The following TRIM10 variants were observed in gnomAD, a reference collection of about 807,000 sequenced individuals.
TRIM10 encodes the protein tripartite motif containing 10.
TRIM10 carries 42 observed loss-of-function variants against 40.0 expected under a neutral mutation model. The ratio of observed to expected loss-of-function variants is 1.05; its 90% confidence interval spans 0.82 to 1.36. The LOEUF (loss-of-function observed/expected upper bound fraction) is 1.36. Ranked by LOEUF, TRIM10 falls within the 40% of genes most tolerant of loss-of-function variation. The pLI is 0.00. For missense variants in TRIM10, 601 were observed against 608.3 expected (o/e 0.99, Z 0.13); for synonymous variants, 260 against 239.5 (o/e 1.09, Z -0.79).
intron 3 of TRIM10, among the ~76,000 whole-genome samples, chr6:30,157,707 C>T (rs1234745524): frequency 7.0e-6 from 1 of 143,322 alleles, no homozygotes; most frequent in African/African-American, 2.6e-5. Context: ...GTTATGTTGC[C>T]CAGGCTCCTC....
rs79088264 is a variant in TRIM10 at position 30,154,154 on chromosome 6, G to A, written c.1261C>T (p.Arg421Trp). The A allele has an allele frequency of 8.8e-5, 142 of 1,612,640 alleles. 1 individual carries two copies. The highest frequency in any genetic ancestry group is 3.3e-4 in the Middle Eastern group (2 of 6,058). The change falls in exon 7 of 7, where the codon CGG (arginine) becomes TGG (tryptophan). Residue 421 changes from arginine to tryptophan, a missense_variant. Physicochemically the swap from Arg to Trp is moderately radical, Grantham distance 101. Transcript: ENST00000449742. ...FVSALGSFPT[R>W]LTLKEQPRQV... The stretch of plus-strand genomic sequence containing the variant: ...CGGGGCTGCTCCTTCAGGGTCAGCC[G>A]TGTGGGGAAGGAGCCCAGAGCCGAG...
chr6:30,154,215 C>T lies in TRIM10; in HGVS notation c.1200G>A (p.Glu400=). The T allele has an allele frequency of 6.2e-7, 1 of 1,612,766 alleles. No homozygotes were observed. The highest frequency in any genetic ancestry group is 1.1e-5 in the South Asian group (1 of 91,044). Reference sequence around the variant, plus strand: ...AAGCCAGCCTCACAGCCCACACCCCCTCCTCTGGCCGCAGCCGAAGCTCCC... The same window carrying T: ...AAGCCAGCCTCACAGCCCACACCCCTTCCTCTGGCCGCAGCCGAAGCTCCC... ...RKGELRLRPE[E]GVWAVRLAWG... Residue 400 remains glutamate (E), a synonymous_variant, in exon 7 of 7, where the codon GAG becomes GAA. Transcript: ENST00000449742.
chr6:30,156,532 A>G (rs1772544263), intron 5 of TRIM10, among the ~76,000 whole-genome samples: 1 of 152,232 alleles, frequency 6.6e-6, no homozygotes, highest in Non-Finnish European at 1.5e-5. Context: ...CGAGCCAGAT[A>G]CCACAGGGTC....
At chr6:30,162,263 G>C (rs1349933255), upstream of TRIM10, among the ~76,000 whole-genome samples, 1 of 137,854 alleles carries the variant, frequency 7.3e-6, no homozygotes, top group South Asian at 2.3e-4. Context: ...GAGACAGAGC[G>C]AGACTCCATT....
chr6:30,160,435 A>T lies in TRIM10; in HGVS notation c.424T>A (p.Tyr142Asn), dbSNP rs775768391. 1.4e-5 allele frequency: 23 copies of T among 1,613,300 alleles called. No individual in the cohort carries two copies. The African/African-American group carries it at 2.9e-4, about 21-fold the overall frequency. Residue 142 changes from tyrosine (Y) to asparagine (N), a missense_variant, in exon 1 of 7, where the codon TAT (tyrosine) becomes AAT (asparagine). By Grantham distance (143) the Tyr-to-Asn change is moderately radical (BLOSUM62 -2). Coordinates refer to ENST00000449742, the MANE Select transcript of TRIM10 (RefSeq NM_006778.4). ...MRFLEDAAAP[Y>N]REQIHKCLKC... ...CCCCAGTTCCCCTTTCCTACCCTAT[A>T]GGGAGCCGCTGCATCCTCCAGGAAG...
chr6:30,160,059 C>A (rs192631351), intron 1 of TRIM10, among the ~76,000 whole-genome samples: 1 of 152,206 alleles, frequency 6.6e-6, no homozygotes, highest in African/African-American at 2.4e-5. Context: ...CCCATCCAAA[C>A]ACACCAGACA....
upstream of TRIM10, chr6:30,163,768 C>G (rs1581590839): frequency 1.2e-6 from 2 of 1,612,908 alleles, no homozygotes; most frequent in Non-Finnish European, 1.7e-6. Flanking sequence ...ATGCGGTGAC[C>G]ATTCCCTGTG....
chr6:30,156,833 ATAAGGCTT>A (rs1562119883), intron 5 of TRIM10, 98 bp downstream of exon 5: 1 of 969,934 alleles, frequency 1.0e-6, no homozygotes, highest in South Asian at 1.3e-5. Context: ...ACAGGAAGGA[ATAAGGCTT>A]GCCAAAGTCA....
upstream of TRIM10, among the ~76,000 whole-genome samples, chr6:30,161,569 C>T (rs1173634806): frequency 4.0e-5 from 6 of 149,688 alleles, no homozygotes; most frequent in African/African-American, 4.9e-5. Context: ...TTTACAATGA[C>T]GGTACAACTT....
At chr6:30,162,743 A>ATTTC (rs1286708529), upstream of TRIM10, among the ~76,000 whole-genome samples, 2 of 152,160 alleles carry the variant, frequency 1.3e-5, no homozygotes, top group African/African-American at 4.8e-5. Flanking sequence ...GTCAGTTTAC[A>ATTTC]TTTCTTTCTC....
rs1772240798 is a variant in TRIM10 at position 30,153,804 on chromosome 6, T to C, written c.*165A>G. 8 of 1,613,006 alleles carry C rather than the reference T, an allele frequency of 5.0e-6. No individual in the cohort carries two copies. In the East Asian group the frequency reaches 1.6e-4, roughly 31 times the overall value. On this transcript the variant is annotated 3_prime_UTR_variant, in exon 7 of 7. Coordinates refer to ENST00000449742, the MANE Select transcript of TRIM10 (RefSeq NM_006778.4). ...TTGGGGAAAGGACTTGATCAGTAGA[T>C]TGAGAGTCCTCTCTTCTATCCCTTA...
At chr6:30,157,647 G>A (rs1010778196) in intron 3 of TRIM10, among the ~76,000 whole-genome samples, 132 of 139,300 alleles carry the variant, frequency 9.5e-4, no homozygotes, top group Admixed American at 2.2e-3. Context: ...CACCATGCCT[G>A]GCTAATTTTC....
At position 30,153,300 on chromosome 6, in the gene TRIM10, GA is replaced by G. The variant is rs1772185797; in HGVS notation, c.*668del. 1 of 199,614 alleles carries G rather than the reference GA, an allele frequency of 5.0e-6. No individual in the cohort carries two copies. The highest frequency in any genetic ancestry group is 1.0e-5 in the Non-Finnish European group (1 of 97,176). 12.4% of individuals were successfully genotyped at this position (199,614 alleles called of 1,614,324 possible). A position where few individuals can be genotyped will look rare whatever the true frequency, so the allele number is the denominator to read the frequency against. ...GGCATCCTTTAGACCACCCTTTTCA[GA>G]AAGCCATCCCCCACTCACCCTCTCC... On this transcript the variant is annotated 3_prime_UTR_variant, in exon 7 of 7. Coordinates refer to ENST00000449742, the MANE Select transcript of TRIM10 (RefSeq NM_006778.4).
At chr6:30,160,276 A>G (rs1327492378) in intron 1 of TRIM10, among the ~76,000 whole-genome samples, 154 bp downstream of exon 1, 1 of 152,164 alleles carries the variant, frequency 6.6e-6, no homozygotes, top group Non-Finnish European at 1.5e-5. Flanking sequence ...ATAAAACATA[A>G]ACACAATTTT....
At chr6:30,163,857 C>G (rs1476438391), upstream of TRIM10, 2 of 1,613,052 alleles carry the variant, frequency 1.2e-6, no homozygotes, top group Non-Finnish European at 1.7e-6. Flanking sequence ...CTGCTCTGCC[C>G]GCTCTGCCAA....
At chr6:30,162,804 T>C (rs1773227659), upstream of TRIM10, among the ~76,000 whole-genome samples, 1 of 152,174 alleles carries the variant, frequency 6.6e-6, no homozygotes, top group Admixed American at 6.5e-5. Context: ...AAATTGAATG[T>C]AGTAATATAA....
chr6:30,152,914 T>G lies in TRIM10; in HGVS notation c.*1055A>C, dbSNP rs1772146005. The G allele has an allele frequency of 6.6e-6, 1 of 152,218 alleles. No homozygotes were observed. Among genetic ancestry groups the G allele is most frequent in the South Asian group, 2.1e-4 (1 of 4,824 alleles). The allele number at this position is 152,218 out of a possible 1,614,324, so 9.4% of individuals were successfully genotyped here. A position where few individuals can be genotyped will look rare whatever the true frequency, so the allele number is the denominator to read the frequency against. ...TTCTGGAATTCTTTTACCTAGCAGT[T>G]TCTGAGCCCACAGCTGAGCTATTTG... On this transcript the variant is annotated 3_prime_UTR_variant, in exon 7 of 7. Coordinates refer to ENST00000449742, the MANE Select transcript of TRIM10 (RefSeq NM_006778.4).
rs1225506128 is a variant in TRIM10 at position 30,160,764 on chromosome 6, C to T, written c.95G>A (p.Gly32Asp). The change falls in exon 1 of 7, where the codon GGC (glycine) becomes GAC (aspartate). Residue 32 changes from glycine (G) to aspartate (D), a missense_variant. Transcript: ENST00000449742. ...AAGGCAGGCCCGGCAGAAGTTGTGG[C>T]CGCAGTCGATAGTGACCGGCTCCCT... ...TLREPVTIDC[G>D]HNFCRACLTR... 1.2e-6 allele frequency: 2 copies of T among 1,614,180 alleles called. No homozygotes were observed. The highest frequency in any genetic ancestry group is 3.3e-5 in the Admixed American group (2 of 60,030).
At chr6:30,156,623 A>G (rs1562119520) in intron 5 of TRIM10, among the ~76,000 whole-genome samples, 1 of 152,192 alleles carries the variant, frequency 6.6e-6, no homozygotes, top group Admixed American at 6.5e-5. Flanking sequence ...TTGCTGTGGG[A>G]TTTTTTAACT....
Sources: allele counts gnomAD v4.1 joint callset (sites outside exome capture counted in the v4.1 genomes callset), GRCh38; gene constraint gnomAD v4.1.1; transcripts MANE v1.5; gene names NCBI Gene and HGNC (gene_info 2026-07-23, HGNC 2026-07-21).